ADCY2: variants seen among roughly 807,000 people sequenced by gnomAD.
ADCY2 encodes the protein adenylate cyclase 2.
Under a neutral mutation model 125.2 loss-of-function variants are expected in ADCY2, and 31 were observed. The observed-to-expected ratio is 0.25, with a 90% CI of 0.19 to 0.33. ADCY2 has a LOEUF of 0.33. ADCY2 is among the 10% of genes least tolerant of loss of function. ADCY2 has a pLI of 1.00. For missense variants in ADCY2, 904 were observed against 1,418.2 expected, an observed-to-expected ratio of 0.64 and a Z score of 5.82; for synonymous variants, 512 against 548.4, an observed-to-expected ratio of 0.93 and a Z score of 0.93.
intron 3 of ADCY2, among the ~76,000 whole-genome samples, chr5:7,577,608 TAGG>T (rs1218122146): frequency 6.6e-6 from 1 of 152,060 alleles, no homozygotes; most frequent in Non-Finnish European, 1.5e-5. Flanking sequence ...TGATGAAACT[TAGG>T]AGAAGACTGT....
intron 20 of ADCY2, chr5:7,800,727 A>G (rs1193215040): frequency 1.3e-5 from 2 of 152,194 alleles, no homozygotes; most frequent in African/African-American, 4.8e-5. Flanking sequence ...CAGGGACATC[A>G]GTGGAGTTTA....
At position 7,826,803 on chromosome 5, in the gene ADCY2, G is replaced by T; in HGVS notation, c.3208G>T (p.Asp1070Tyr). ...AATAATCAACGTGAAAGGAAAGGGGGACCTGAAGACGTACTTTGTAAACAC... is the reference window on the plus strand; with the variant it reads ...AATAATCAACGTGAAAGGAAAGGGGTACCTGAAGACGTACTTTGTAAACAC... ...RGIINVKGKG[D>Y]LKTYFVNTEM... Residue 1070 changes from aspartate (D) to tyrosine (Y), a missense_variant, in exon 25 of 25, where the codon GAC becomes TAC. This residue lies in a region of ADCY2 where 181 missense variants were observed against 381.6 expected (regional missense o/e 0.47). Transcript: ENST00000338316. The T allele has an allele frequency of 6.2e-7, 1 of 1,614,150 alleles. No individual in the cohort carries two copies. The highest frequency in any genetic ancestry group is 8.5e-7 in the Non-Finnish European group (1 of 1,180,040).
intron 16 of ADCY2, among the ~76,000 whole-genome samples, chr5:7,762,195 T>G (rs1262892772): frequency 6.6e-6 from 1 of 152,242 alleles, no homozygotes; most frequent in Non-Finnish European, 1.5e-5. Flanking sequence ...TGTTGATACC[T>G]GGTGCCATGA....
intron 7 of ADCY2, among the ~76,000 whole-genome samples, chr5:7,700,817 C>A (rs991342485): frequency 6.6e-6 from 1 of 150,502 alleles, no homozygotes. Flanking sequence ...CCATAGAAAA[C>A]TCCTGCATGC....
chr5:7,821,300 T>C (rs1413088441), intron 24 of ADCY2, among the ~76,000 whole-genome samples: 2 of 152,222 alleles, frequency 1.3e-5, no homozygotes, highest in Non-Finnish European at 2.9e-5. Flanking sequence ...TATATTACAA[T>C]AGCACTAATA....
chr5:7,484,400 A>C lies in ADCY2; in HGVS notation c.409-36338A>C, dbSNP rs543097537. Among the ~76,000 whole-genome samples the C allele has an allele frequency of 2.6e-5, 4 of 152,266 alleles. No individual in the cohort carries two copies. The South Asian group carries it at 8.3e-4, about 32-fold the overall frequency. ...CATCATCTTCCCAGGGAAAATAATGAAATTGTGTGAGTGTGCCTGTTGATC... is the reference window on the plus strand; with the variant it reads ...CATCATCTTCCCAGGGAAAATAATGCAATTGTGTGAGTGTGCCTGTTGATC... On this transcript the variant is annotated intron_variant, in intron 2 of 24. Coordinates refer to ENST00000338316, the MANE Select transcript of ADCY2 (RefSeq NM_020546.3).
intron 6 of ADCY2, among the ~76,000 whole-genome samples, chr5:7,697,935 C>G (rs998722182): frequency 3.3e-5 from 5 of 152,208 alleles, no homozygotes; most frequent in Non-Finnish European, 7.3e-5. Flanking sequence ...ATGTTTGGAG[C>G]TGCTCAGACT....
intron 3 of ADCY2, among the ~76,000 whole-genome samples, chr5:7,572,270 A>C (rs1736091356): frequency 6.6e-6 from 1 of 152,210 alleles, no homozygotes; most frequent in African/African-American, 2.4e-5. Context: ...TCCCGTCAAC[A>C]GTGTATAAAT....
At chr5:7,522,432 A>G (rs112698673) in intron 3 of ADCY2, 9 of 152,222 alleles carry the variant, frequency 5.9e-5, no homozygotes, top group African/African-American at 1.9e-4. Flanking sequence ...ACTCCTGTGG[A>G]TACAATCTCT....
chr5:7,614,480 A>T (rs1246368396), intron 3 of ADCY2, among the ~76,000 whole-genome samples: 2 of 152,216 alleles, frequency 1.3e-5, no homozygotes, highest in Non-Finnish European at 2.9e-5. Flanking sequence ...CTAAGACTCA[A>T]ACCTAATTCC....
At chr5:7,571,827 C>T (rs575863150) in intron 3 of ADCY2, among the ~76,000 whole-genome samples, 1 of 152,238 alleles carries the variant, frequency 6.6e-6, no homozygotes, top group South Asian at 2.1e-4. Context: ...GTCTATTGTT[C>T]CCCTCTGTAT....
chr5:7,518,742 G>A (rs10066518), intron 2 of ADCY2, among the ~76,000 whole-genome samples: 95,459 of 151,964 alleles, frequency 0.63, 33,428 homozygotes, highest in Non-Finnish European at 0.77. Context: ...CTGTTGTCCC[G>A]AGACGGCTGG....
At chr5:7,580,742 C>T (rs1161206501) in intron 3 of ADCY2, among the ~76,000 whole-genome samples, 2 of 152,120 alleles carry the variant, frequency 1.3e-5, no homozygotes, top group African/African-American at 4.8e-5. Flanking sequence ...TAGTAAATGC[C>T]TGGCTAACTA....
At chr5:7,732,816 G>A (rs573341259) in intron 14 of ADCY2, among the ~76,000 whole-genome samples, 1 of 152,294 alleles carries the variant, frequency 6.6e-6, no homozygotes, top group East Asian at 1.9e-4. Flanking sequence ...CTAAAGGGAG[G>A]TGTTTTCCTG....
chr5:7,402,405 T>C (rs1739296738), intron 1 of ADCY2, among the ~76,000 whole-genome samples: 1 of 152,216 alleles, frequency 6.6e-6, no homozygotes. Context: ...CTTTGTTTGT[T>C]CAACTGTTTT....
intron 3 of ADCY2, among the ~76,000 whole-genome samples, chr5:7,616,741 G>C (rs1737775675): frequency 6.6e-6 from 1 of 152,118 alleles, no homozygotes; most frequent in South Asian, 2.1e-4. Context: ...TATTGTGATG[G>C]ACTGAATTGT....
chr5:7,499,672 T>C (rs905796563), intron 2 of ADCY2, among the ~76,000 whole-genome samples: 6 of 143,126 alleles, frequency 4.2e-5, no homozygotes, highest in African/African-American at 1.0e-4. Flanking sequence ...TATATATATA[T>C]ATATATATAT....
At chr5:7,577,695 GATAATA>G (rs1247453220) in intron 3 of ADCY2, among the ~76,000 whole-genome samples, 4 of 151,928 alleles carry the variant, frequency 2.6e-5, no homozygotes, top group Non-Finnish European at 5.9e-5. Context: ...CAGTGTTAAT[GATAATA>G]ATAATAATAA....
intron 6 of ADCY2, 122 bp from the exon 7 acceptor site, chr5:7,698,125 A>G: frequency 8.2e-7 from 1 of 1,224,204 alleles, no homozygotes; most frequent in Non-Finnish European, 1.2e-6. Context: ...ACTGGTTCTC[A>G]TTGCTCTCTC....
Sources: allele counts gnomAD v4.1 joint callset (sites outside exome capture counted in the v4.1 genomes callset), GRCh38; gene constraint gnomAD v4.1.1; regional missense constraint gnomAD v4.1.1; transcripts MANE v1.5; gene names NCBI Gene and HGNC (gene_info 2026-07-23, HGNC 2026-07-21).